Variants in STXBP3 observed in about 807,000 individuals in gnomAD.
STXBP3 encodes the protein syntaxin binding protein 3, also known as syntaxin-binding protein 3.
Under a neutral mutation model 85.7 loss-of-function variants are expected in STXBP3, and 41 were observed. The ratio of observed to expected loss-of-function variants is 0.48; its 90% CI spans 0.37 to 0.62. The LOEUF (loss-of-function observed/expected upper bound fraction) is 0.62, where lower values mean the gene tolerates loss of function less well. Among genes scored for constraint, STXBP3 ranks in the 20% least tolerant of loss-of-function variants. STXBP3 has a pLI of 0.00. For missense variants in STXBP3, 563 were observed against 703.1 expected (o/e 0.80, Z 2.25); for synonymous variants, 229 against 231.7 (o/e 0.99, Z 0.10).
intron 6 of STXBP3, among the ~76,000 whole-genome samples, chr1:108,770,812 T>C (rs1046069528): frequency 6.6e-6 from 1 of 152,288 alleles, no homozygotes; most frequent in East Asian, 1.9e-4. Flanking sequence ...CCCAGTTCTT[T>C]GTACATAAGT....
At chr1:108,752,192 GACCCT>G in intron 1 of STXBP3, 60 bp from the exon 2 acceptor site, 1 of 1,449,314 alleles carries the variant, frequency 6.9e-7, no homozygotes, top group East Asian at 2.3e-5. Flanking sequence ...AGCCATTTTG[GACCCT>G]TTGGATTACT....
At chr1:108,798,307 T>A (rs1223799060) in intron 16 of STXBP3, 70 bp downstream of exon 16, 2 of 1,298,224 alleles carry the variant, frequency 1.5e-6, no homozygotes, top group Non-Finnish European at 2.2e-6. Flanking sequence ...TTTTGTAGTT[T>A]ATGTCAGTCT....
intron 6 of STXBP3, among the ~76,000 whole-genome samples, chr1:108,760,502 T>G (rs1312681977): frequency 6.6e-6 from 1 of 152,174 alleles, no homozygotes; most frequent in East Asian, 1.9e-4. Context: ...GATTTTTGAC[T>G]TGTTTTGCCT....
At chr1:108,763,329 C>G (rs1207718883) in intron 6 of STXBP3, among the ~76,000 whole-genome samples, 2 of 152,194 alleles carry the variant, frequency 1.3e-5, no homozygotes, top group African/African-American at 4.8e-5. Flanking sequence ...TTATCAGCCA[C>G]TTTACTCCAG....
intron 11 of STXBP3, among the ~76,000 whole-genome samples, chr1:108,785,247 G>A (rs552677541): frequency 3.9e-5 from 6 of 152,248 alleles, no homozygotes; most frequent in South Asian, 2.1e-4. Flanking sequence ...AGCGAACTCC[G>A]GCCTGGACAT....
intron 11 of STXBP3, among the ~76,000 whole-genome samples, chr1:108,784,769 T>G (rs1166985046): frequency 6.6e-6 from 1 of 152,192 alleles, no homozygotes; most frequent in Non-Finnish European, 1.5e-5. Context: ...AGTTACTTCC[T>G]AGATACAATG....
At chr1:108,756,241 A>G (rs960253759) in intron 3 of STXBP3, among the ~76,000 whole-genome samples, 9 of 152,136 alleles carry the variant, frequency 5.9e-5, no homozygotes, top group Non-Finnish European at 1.3e-4. Flanking sequence ...TTAATTGGCA[A>G]TTTATTTAAA....
At chr1:108,792,117 T>C (rs1662985921) in intron 11 of STXBP3, among the ~76,000 whole-genome samples, 1 of 152,232 alleles carries the variant, frequency 6.6e-6, no homozygotes, top group South Asian at 2.1e-4. Context: ...ATATCAGACA[T>C]TCATGTCTAT....
intron 11 of STXBP3, among the ~76,000 whole-genome samples, chr1:108,786,788 T>G (rs186057957): frequency 6.6e-6 from 1 of 152,336 alleles, no homozygotes; most frequent in East Asian, 1.9e-4. Flanking sequence ...ACATTTTAGA[T>G]TCTGCTTGAC....
chr1:108,753,029 C>T (rs771633383), intron 2 of STXBP3, 34 bp from the exon 3 acceptor site: 1 of 1,471,640 alleles, frequency 6.8e-7, no homozygotes, highest in South Asian at 1.3e-5. Flanking sequence ...TAATAGGATG[C>T]TTACAGTATT....
intron 6 of STXBP3, among the ~76,000 whole-genome samples, chr1:108,763,088 C>T (rs191305846): frequency 8.2e-4 from 125 of 152,294 alleles, no homozygotes; most frequent in Middle Eastern, 3.4e-3. Context: ...GCACAGAATC[C>T]TGTTTCTTGG....
intron 1 of STXBP3, among the ~76,000 whole-genome samples, chr1:108,750,488 T>C (rs776427219): frequency 1.0e-3 from 152 of 152,318 alleles, no homozygotes; most frequent in Non-Finnish European, 1.9e-3. Flanking sequence ...ACCTTCCAGA[T>C]CACAATTCTA....
At chr1:108,761,648 T>C (rs1279939440) in intron 6 of STXBP3, among the ~76,000 whole-genome samples, 1 of 152,156 alleles carries the variant, frequency 6.6e-6, no homozygotes, top group Non-Finnish European at 1.5e-5. Flanking sequence ...AATTTTTTTC[T>C]TTTAATTTAC....
intron 6 of STXBP3, among the ~76,000 whole-genome samples, chr1:108,771,018 A>G (rs1404431928): frequency 1.3e-5 from 2 of 152,070 alleles, no homozygotes; most frequent in African/African-American, 2.4e-5. Context: ...GTTACTCTCT[A>G]ATGGGTTAAG....
rs1339381953 is a variant in STXBP3, at chr1:108,756,692, G to T, written c.184G>T (p.Val62Leu). 1 of 1,559,032 alleles carries T rather than the reference G, an allele frequency of 6.4e-7. No individual in the cohort carries two copies. The highest frequency in any genetic ancestry group is 1.8e-5 in the Admixed American group (1 of 55,786). ...AAAATGACCTTTTTTCTTGTTAGTT[G>T]TAGAGAATATTTATAAGAACCGTGA... ...TDLLEEGITV[V>L]ENIYKNREPV... Residue 62 changes from valine to leucine, a missense_variant and splice_region_variant, in exon 4 of 19, where the codon GTA becomes TTA. By Grantham distance (32) the Val-to-Leu change is conservative (BLOSUM62 1). This residue lies in a region of STXBP3 where 32 missense variants were observed against 70.6 expected (regional missense o/e 0.45). Transcript: ENST00000370008.
chr1:108,758,632 T>C lies in STXBP3; in HGVS notation c.337+44T>C, dbSNP rs1273921072. ...TATTGCTTCATTGTTCAAAATGCCA[T>C]TGGTTTTAAACTGTCGACTTTTTAA... On this transcript the variant is annotated intron_variant, in intron 5 of 18. Transcript: ENST00000370008. 5 of 1,173,166 alleles carry C rather than the reference T, an allele frequency of 4.3e-6. No homozygotes were observed. In the African/African-American group the frequency reaches 4.7e-5, roughly 11 times the overall value. The allele number at this position is 1,173,166 out of a possible 1,614,324, so 72.7% of individuals were successfully genotyped here. A position where few individuals can be genotyped will look rare whatever the true frequency, so the allele number is the denominator to read the frequency against.
At chr1:108,790,879 ATGTT>A (rs1408287539) in intron 11 of STXBP3, among the ~76,000 whole-genome samples, 21 of 152,096 alleles carry the variant, frequency 1.4e-4, no homozygotes, top group Non-Finnish European at 2.2e-4. Flanking sequence ...ACTTCAATGT[ATGTT>A]ATAAACTCAA....
At chr1:108,799,748 A>G (rs892139829) in intron 16 of STXBP3, among the ~76,000 whole-genome samples, 1 of 152,214 alleles carries the variant, frequency 6.6e-6, no homozygotes, top group African/African-American at 2.4e-5. Flanking sequence ...GTATATTTAT[A>G]TACATACATA....
At chr1:108,807,253 A>T in intron 17 of STXBP3, 148 bp from the exon 18 acceptor site, 1 of 786,738 alleles carries the variant, frequency 1.3e-6, no homozygotes, top group Non-Finnish European at 1.8e-6. Context: ...GTGAGACTCC[A>T]CCTCAAAAAA....
Sources: gnomAD v4.1 joint callset for allele counts (sites outside exome capture counted in the v4.1 genomes callset) on GRCh38, gnomAD v4.1.1 for gene constraint, gnomAD v4.1.1 regional missense constraint, MANE v1.5 for transcripts, NCBI Gene and HGNC (gene_info 2026-07-23, HGNC 2026-07-21) for gene names.